The following PCDHA13 variants were observed in gnomAD, a reference collection of about 807,000 sequenced individuals.
The protein encoded by PCDHA13 is protocadherin alpha 13.
In PCDHA13, 54 loss-of-function variants were observed where a neutral mutation model predicts 64.8. The observed-to-expected ratio is 0.83, with a 90% CI of 0.67 to 1.04. The LOEUF is 1.04. Ranked by LOEUF, PCDHA13 falls within the 50% of genes least tolerant of loss-of-function variation. PCDHA13 has a pLI of 0.00. For missense variants in PCDHA13, 1,248 were observed against 1,254.3 expected, an observed-to-expected ratio of 0.99 and a Z score of 0.08; for synonymous variants, 587 against 564.4, an observed-to-expected ratio of 1.04 and a Z score of -0.57.
At chr5:140,978,528 C>T (rs903940636) in intron 1 of PCDHA13, among the ~76,000 whole-genome samples, 1 of 152,192 alleles carries the variant, frequency 6.6e-6, no homozygotes, top group Non-Finnish European at 1.5e-5. Flanking sequence ...GCCAGGCCAG[C>T]AGAACTTGTG....
At chr5:141,002,589 TC>T (rs1157810975) in intron 3 of PCDHA13, among the ~76,000 whole-genome samples, 1 of 152,140 alleles carries the variant, frequency 6.6e-6, no homozygotes, top group African/African-American at 2.4e-5. Context: ...TAGTCCTTAG[TC>T]CCCTCATCTA....
chr5:140,973,582 T>C lies in PCDHA13; in HGVS notation c.2395-5367T>C, dbSNP rs76146918. Among the ~76,000 whole-genome samples the C allele has an allele frequency of 4.6e-3, 708 of 152,364 alleles. 4 individuals are homozygous for C. The highest frequency in any genetic ancestry group is 0.016 in the African/African-American group (685 of 41,596). On this transcript the variant is annotated intron_variant, in intron 1 of 3. Coordinates refer to ENST00000289272, the MANE Select transcript of PCDHA13 (RefSeq NM_018904.3). ...TTTCCTCAATTTTTCTACAGACTGC[T>C]GAGCCAGATGGAATTATGGCTGAGC...
intron 1 of PCDHA13, among the ~76,000 whole-genome samples, chr5:140,972,741 G>T (rs1453484254): frequency 6.9e-6 from 1 of 145,350 alleles, no homozygotes; most frequent in Non-Finnish European, 1.5e-5. Context: ...CCGGCTCACT[G>T]CAACCTCCGC....
intron 1 of PCDHA13, among the ~76,000 whole-genome samples, chr5:140,890,373 T>A (rs868994302): frequency 2.4e-4 from 37 of 152,196 alleles, no homozygotes; most frequent in African/African-American, 7.5e-4. Context: ...CCTGAACAAG[T>A]ACTCTTTCTT....
intron 1 of PCDHA13, among the ~76,000 whole-genome samples, chr5:140,938,121 A>C (rs981387543): frequency 6.6e-6 from 1 of 151,892 alleles, no homozygotes; most frequent in South Asian, 2.1e-4. Flanking sequence ...CTCTTTTTTT[A>C]AAAAAATAGA....
intron 1 of PCDHA13, chr5:140,967,347 A>G: frequency 6.2e-7 from 1 of 1,608,324 alleles, no homozygotes; most frequent in South Asian, 1.1e-5. Flanking sequence ...GAGCACTTCG[A>G]GCTGGACCTT....
At chr5:140,905,292 G>T (rs1394409672) in intron 1 of PCDHA13, among the ~76,000 whole-genome samples, 1 of 152,114 alleles carries the variant, frequency 6.6e-6, no homozygotes, top group African/African-American at 2.4e-5. Flanking sequence ...CTTGAATAAG[G>T]TGTCCTTTCC....
intron 1 of PCDHA13, among the ~76,000 whole-genome samples, chr5:140,944,993 G>A (rs529303280): frequency 6.6e-5 from 10 of 152,054 alleles, no homozygotes; most frequent in African/African-American, 2.2e-4. Context: ...CTTCTGTAAC[G>A]GTTGTGGGTC....
intron 1 of PCDHA13, among the ~76,000 whole-genome samples, chr5:140,940,668 C>T (rs1475667382): frequency 3.3e-5 from 5 of 152,166 alleles, no homozygotes; most frequent in African/African-American, 1.2e-4. Flanking sequence ...AAATCTTCAT[C>T]TGATAATTCC....
intron 1 of PCDHA13, among the ~76,000 whole-genome samples, chr5:140,919,265 T>A (rs534045587): frequency 4.3e-4 from 66 of 152,394 alleles, no homozygotes. Flanking sequence ...GATATTAGTG[T>A]AGTCACTCCA....
chr5:140,966,800 G>T, intron 1 of PCDHA13: 1 of 1,540,654 alleles, frequency 6.5e-7, no homozygotes, highest in East Asian at 2.4e-5. Flanking sequence ...TGCGGCGACA[G>T]AGCATCCACG....
chr5:140,948,722 A>G (rs2094296449), intron 1 of PCDHA13, among the ~76,000 whole-genome samples: 1 of 151,574 alleles, frequency 6.6e-6, no homozygotes, highest in Admixed American at 6.6e-5. Context: ...TTTTTTATCA[A>G]TAAGTCTAGC....
At chr5:140,957,893 C>T (rs1554223179) in intron 1 of PCDHA13, among the ~76,000 whole-genome samples, 1 of 151,938 alleles carries the variant, frequency 6.6e-6, no homozygotes, top group Non-Finnish European at 1.5e-5. Flanking sequence ...AAGTTGGCAT[C>T]AACCAAGGCA....
At chr5:140,915,572 C>T (rs2077180575) in intron 1 of PCDHA13, among the ~76,000 whole-genome samples, 1 of 152,106 alleles carries the variant, frequency 6.6e-6, no homozygotes, top group Admixed American at 6.6e-5. Context: ...ATCTGGATTG[C>T]CAGGCAAAAG....
chr5:140,887,787 C>T (rs782343895), intron 1 of PCDHA13, among the ~76,000 whole-genome samples: 8 of 152,080 alleles, frequency 5.3e-5, no homozygotes, highest in African/African-American at 9.7e-5. Flanking sequence ...GTCATTGAAG[C>T]GTTCTTTATT....
intron 1 of PCDHA13, among the ~76,000 whole-genome samples, chr5:140,944,533 AG>A (rs1276351803): frequency 6.6e-6 from 1 of 152,148 alleles, no homozygotes; most frequent in Non-Finnish European, 1.5e-5. Flanking sequence ...AAATGATTTA[AG>A]TATTTAAAGA....
At chr5:140,918,155 A>T (rs1453787502) in intron 1 of PCDHA13, among the ~76,000 whole-genome samples, 1 of 152,054 alleles carries the variant, frequency 6.6e-6, no homozygotes, top group Admixed American at 6.5e-5. Flanking sequence ...GTGTATGTCT[A>T]TTGTAAATGG....
intron 3 of PCDHA13, among the ~76,000 whole-genome samples, chr5:140,992,035 G>C (rs529236840): frequency 6.6e-6 from 1 of 151,988 alleles, no homozygotes; most frequent in South Asian, 2.1e-4. Flanking sequence ...GTGTGTGTGT[G>C]TGTGTGTGTG....
At chr5:140,920,828 G>A (rs1482219421) in intron 1 of PCDHA13, among the ~76,000 whole-genome samples, 4 of 147,976 alleles carry the variant, frequency 2.7e-5, no homozygotes, top group African/African-American at 1.0e-4. Context: ...TGGCGACGGA[G>A]CAAGACCAAA....
Sources: allele counts gnomAD v4.1 joint callset (sites outside exome capture counted in the v4.1 genomes callset), GRCh38; gene constraint gnomAD v4.1.1; transcripts MANE v1.5; gene names NCBI Gene and HGNC (gene_info 2026-07-23, HGNC 2026-07-21).